Variants in UBALD2 observed in about 807,000 individuals in gnomAD.
The protein encoded by UBALD2 is UBA-like domain-containing protein 2.
In UBALD2, 8 loss-of-function variants were observed where a neutral mutation model predicts 15.9. The observed-to-expected ratio is 0.50, with a 90% confidence interval of 0.29 to 0.91. The LOEUF (loss-of-function observed/expected upper bound fraction) is 0.91, where lower values mean the gene tolerates loss of function less well. Among genes scored for constraint, UBALD2 ranks in the 40% least tolerant of loss-of-function variants. The pLI is 0.07. For synonymous variants in UBALD2, 113 were observed against 97.7 expected (o/e 1.16, Z -0.93); for missense variants, 178 against 234.8 (o/e 0.76, Z 1.58).
In UBALD2 at chr17:76,268,490, G is replaced by C. The variant is rs554999898; in HGVS notation, c.184-1704G>C. Reference sequence around the variant, plus strand: ...GCCGAGAAGTCATCCCCAGAGGGTGGGGGGGGGGCAGGGAGTAGTGGAGGG... The same window carrying C: ...GCCGAGAAGTCATCCCCAGAGGGTGCGGGGGGGGCAGGGAGTAGTGGAGGG... On this transcript the variant is annotated intron_variant, in intron 2 of 2. Transcript: ENST00000327490. Among the ~76,000 whole-genome samples, 28 of 141,852 alleles carry C rather than the reference G, an allele frequency of 2.0e-4. No individual in the cohort carries two copies. The East Asian group carries it at 4.9e-3, about 25-fold the overall frequency. The allele number at this position is 141,852 out of a possible 152,430, so 93.1% of individuals were successfully genotyped here. A position where few individuals can be genotyped will look rare whatever the true frequency, so the allele number is the denominator to read the frequency against.
intron 2 of UBALD2, among the ~76,000 whole-genome samples, chr17:76,266,647 G>C (rs1282064142): frequency 6.6e-6 from 1 of 152,180 alleles, no homozygotes; most frequent in East Asian, 1.9e-4. Context: ...CCAGCACACA[G>C]AGAAGTGGTC....
At position 76,265,430 on chromosome 17, in the gene UBALD2, C is replaced by T; in HGVS notation, c.-76C>T. On this transcript the variant is annotated 5_prime_UTR_variant, in exon 1 of 3. Coordinates refer to ENST00000327490, the MANE Select transcript of UBALD2 (RefSeq NM_182565.4). ...TGAGCGCGAGCCCCGGAGCCCCGGGCGGCCGGCCTCCCGCGCCCGCGCAGC... is the reference window on the plus strand; with the variant it reads ...TGAGCGCGAGCCCCGGAGCCCCGGGTGGCCGGCCTCCCGCGCCCGCGCAGC... 5.1e-6 allele frequency: 5 copies of T among 983,406 alleles called. No homozygotes were observed. The highest frequency in any genetic ancestry group is 6.0e-6 in the Non-Finnish European group (5 of 829,714). 60.9% of individuals were successfully genotyped at this position (983,406 alleles called of 1,614,324 possible).
At chr17:76,268,731 G>GTTTT (rs555489468) in intron 2 of UBALD2, among the ~76,000 whole-genome samples, 4 of 121,574 alleles carry the variant, frequency 3.3e-5, no homozygotes, top group African/African-American at 1.1e-4. Context: ...AGCTCCCTCT[G>GTTTT]TTTTTTTTTT....
chr17:76,268,488 T>TGGG (rs34116305), intron 2 of UBALD2, among the ~76,000 whole-genome samples: 199 of 129,488 alleles, frequency 1.5e-3, no homozygotes, highest in African/African-American at 5.2e-3. Flanking sequence ...CCCCAGAGGG[T>TGGG]GGGGGGGGGG....
At position 76,265,921 on chromosome 17, in the gene UBALD2, G is replaced by T. The variant is rs751198688; in HGVS notation, c.135G>T (p.Thr45=). The T allele has an allele frequency of 1.9e-6, 3 of 1,604,630 alleles. No homozygotes were observed. The Admixed American group carries it at 5.1e-5, about 27-fold the overall frequency. The change falls in exon 2 of 3, where the codon ACG becomes ACT. Residue 45 remains threonine (T), a synonymous_variant. Coordinates refer to ENST00000327490, the MANE Select transcript of UBALD2 (RefSeq NM_182565.4). The part of the protein sequence containing the change: ...AHWQFETALS[T]FFQETNIPNS... ...TTTGTCCGCAGACCGCGCTGAGCACGTTCTTCCAAGAAACCAACATTCCCA... is the reference window on the plus strand; with the variant it reads ...TTTGTCCGCAGACCGCGCTGAGCACTTTCTTCCAAGAAACCAACATTCCCA...
intron 2 of UBALD2, among the ~76,000 whole-genome samples, chr17:76,266,410 C>T (rs2070546264): frequency 6.8e-6 from 1 of 147,314 alleles, no homozygotes; most frequent in Non-Finnish European, 1.5e-5. Context: ...TCCCCCCTCC[C>T]CCTCCACACA....
At chr17:76,267,136 C>T (rs996352997) in intron 2 of UBALD2, among the ~76,000 whole-genome samples, 31 of 152,242 alleles carry the variant, frequency 2.0e-4, no homozygotes, top group Middle Eastern at 3.4e-3. Context: ...GGCCAGCACC[C>T]GCCTATGCTT....
intron 2 of UBALD2, among the ~76,000 whole-genome samples, chr17:76,266,270 G>GCC (rs1486102792): frequency 6.6e-6 from 1 of 151,754 alleles, no homozygotes; most frequent in East Asian, 1.9e-4. Flanking sequence ...GGACCCCAGA[G>GCC]CCAGGGGATG....
chr17:76,266,829 C>T (rs551289311), intron 2 of UBALD2, among the ~76,000 whole-genome samples: 3 of 152,256 alleles, frequency 2.0e-5, no homozygotes, highest in Admixed American at 6.5e-5. Context: ...CGATAGGGAT[C>T]TTAAAACATT....
rs1050990489 is a variant in UBALD2, at chr17:76,270,463, C to T, written c.453C>T (p.Gly151=). 80 of 1,436,674 alleles carry T rather than the reference C, an allele frequency of 5.6e-5. No individual in the cohort carries two copies. In the Admixed American group the frequency reaches 9.3e-4, roughly 17 times the overall value. 89.0% of individuals were successfully genotyped at this position (1,436,674 alleles called of 1,614,324 possible). A position where few individuals can be genotyped will look rare whatever the true frequency, so the allele number is the denominator to read the frequency against. Residue 151 remains glycine, a synonymous_variant, in exon 3 of 3, where the codon GGC becomes GGT. Coordinates refer to ENST00000327490, the MANE Select transcript of UBALD2 (RefSeq NM_182565.4). ...PTWPPGAQQG[G]AQQKAMAAMD... is the part of the protein sequence containing the mutation. ...GGCCCCCAGGAGCACAGCAGGGGGG[C>T]GCCCAGCAGAAAGCCATGGCGGCCA...
rs2070581224 is a variant in UBALD2 at position 76,270,702 on chromosome 17, A to G, written c.*197A>G. Reference sequence around the variant, plus strand: ...CACGTGGGTCCTTCAGGAGTTTTTCAGGCAAGTTTTTCCTCTGTTTTTAAT... The same window carrying G: ...CACGTGGGTCCTTCAGGAGTTTTTCGGGCAAGTTTTTCCTCTGTTTTTAAT... On this transcript the variant is annotated 3_prime_UTR_variant, in exon 3 of 3. Transcript: ENST00000327490. 2.0e-6 allele frequency: 1 copy of G among 487,882 alleles called. No individual in the cohort carries two copies. The highest frequency in any genetic ancestry group is 3.5e-5 in the East Asian group (1 of 28,938). 30.2% of individuals were successfully genotyped at this position (487,882 alleles called of 1,614,324 possible). A position where few individuals can be genotyped will look rare whatever the true frequency, so the allele number is the denominator to read the frequency against.
rs763380171 is a variant in UBALD2 at position 76,270,222 on chromosome 17, C to T, written c.212C>T (p.Thr71Met). The T allele has an allele frequency of 6.2e-7, 1 of 1,612,868 alleles. No homozygotes were observed. Among genetic ancestry groups the T allele is most frequent in the Non-Finnish European group, 8.5e-7 (1 of 1,179,958 alleles). The change falls in exon 3 of 3, where the codon ACG (threonine) becomes ATG (methionine). Residue 71 changes from threonine to methionine, a missense_variant. Physicochemically the swap from Thr to Met is moderately conservative, Grantham distance 81. Coordinates refer to ENST00000327490, the MANE Select transcript of UBALD2 (RefSeq NM_182565.4). ...MMCTPSNTPA[T>M]PPNFPDALAM... The stretch of plus-strand genomic sequence containing the variant: ...TGCACTCCCAGCAACACCCCTGCCA[C>T]GCCGCCCAACTTCCCCGATGCGCTG...
rs1491423340 is a variant in UBALD2 at position 76,269,470 on chromosome 17, ACT to A, written c.184-721_184-720del. 2.1e-5 allele frequency among the ~76,000 whole-genome samples: 3 copies of A among 142,164 alleles called. No homozygotes were observed. Among genetic ancestry groups the A allele is most frequent in the Admixed American group, 7.2e-5 (1 of 13,926 alleles). 93.3% of individuals were successfully genotyped at this position (142,164 alleles called of 152,430 possible). ...GGGCCCAGATATAAAGGGGCTCTTG[ACT>A]CTGTGCAGCGTGGCCCAGTAGATGT... On this transcript the variant is annotated intron_variant, in intron 2 of 2. Transcript: ENST00000327490. This position sits in a 1 kb window ranked among gnomAD's most constrained non-coding sequence, Gnocchi z 4.6.
At chr17:76,268,731 GTT>G (rs555489468) in intron 2 of UBALD2, among the ~76,000 whole-genome samples, 218 of 121,556 alleles carry the variant, frequency 1.8e-3, no homozygotes, top group African/African-American at 7.1e-3. Flanking sequence ...AGCTCCCTCT[GTT>G]TTTTTTTTTT....
At chr17:76,268,468 G>A (rs1040823080) in intron 2 of UBALD2, among the ~76,000 whole-genome samples, 4 of 146,276 alleles carry the variant, frequency 2.7e-5, no homozygotes, top group African/African-American at 8.0e-5. Context: ...TCCTGCTGCC[G>A]AGAAGTCATC....
intron 1 of UBALD2, 119 bp from the exon 2 acceptor site, chr17:76,265,788 C>T: frequency 1.4e-6 from 2 of 1,423,492 alleles, no homozygotes; most frequent in South Asian, 1.3e-5. Context: ...GCACGTGGGG[C>T]AGCCGAGGGT....
chr17:76,266,863 A>G (rs1324050991), intron 2 of UBALD2, among the ~76,000 whole-genome samples: 2 of 151,592 alleles, frequency 1.3e-5, no homozygotes, highest in African/African-American at 4.9e-5. Context: ...GCTGTTGTGG[A>G]CTCTAGGTGC....
At position 76,270,563 on chromosome 17, in the gene UBALD2, A is replaced by G. The variant is rs1358675116; in HGVS notation, c.*58A>G. 1.5e-6 allele frequency: 2 copies of G among 1,361,684 alleles called. No homozygotes were observed. Among genetic ancestry groups the G allele is most frequent in the Admixed American group, 7.1e-5 (2 of 28,310 alleles). The allele number at this position is 1,361,684 out of a possible 1,614,324, so 84.4% of individuals were successfully genotyped here. The stretch of plus-strand genomic sequence containing the variant: ...GGGGGCAGCCCAGGGTTGTGGGGAC[A>G]CAGGAGGGCCAGGGAGGGGGGAGCC... On this transcript the variant is annotated 3_prime_UTR_variant, in exon 3 of 3. Coordinates refer to ENST00000327490, the MANE Select transcript of UBALD2 (RefSeq NM_182565.4).
chr17:76,265,577 G>C lies in UBALD2; in HGVS notation c.72G>C (p.Ala24=), dbSNP rs1399437257. ...INQFVLAAGC[A]ADQAKQLLQA... Reference sequence around the variant, plus strand: ...AGTTCGTGCTGGCCGCGGGCTGCGCGGCCGACCAGGCGAAGCAGTTGCTGC... The same window carrying C: ...AGTTCGTGCTGGCCGCGGGCTGCGCCGCCGACCAGGCGAAGCAGTTGCTGC... Residue 24 remains alanine, a synonymous_variant, in exon 1 of 3, where the codon GCG becomes GCC. Coordinates refer to ENST00000327490, the MANE Select transcript of UBALD2 (RefSeq NM_182565.4). 1.5e-6 allele frequency: 2 copies of C among 1,338,368 alleles called. No homozygotes were observed. The highest frequency in any genetic ancestry group is 1.5e-5 in the South Asian group (1 of 67,622). 82.9% of individuals were successfully genotyped at this position (1,338,368 alleles called of 1,614,324 possible). A position where few individuals can be genotyped will look rare whatever the true frequency, so the allele number is the denominator to read the frequency against.
Sources: gnomAD v4.1 joint callset for allele counts (sites outside exome capture counted in the v4.1 genomes callset) on GRCh38, gnomAD v4.1.1 for gene constraint, Gnocchi (gnomAD v3.1) non-coding constraint, MANE v1.5 for transcripts, NCBI Gene and HGNC (gene_info 2026-07-23, HGNC 2026-07-21) for gene names.